The following MMADHC variants were observed in gnomAD, a reference collection of about 807,000 sequenced individuals.
MMADHC encodes metabolism of cobalamin associated D.
Under a neutral mutation model 36.3 loss-of-function variants are expected in MMADHC, and 23 were observed. The ratio of observed to expected loss-of-function variants is 0.63; its 90% confidence interval spans 0.46 to 0.90. The LOEUF is 0.90. MMADHC is among the 40% of genes least tolerant of loss of function. The pLI is 0.00. For synonymous variants in MMADHC, 97 were observed against 116.1 expected, an observed-to-expected ratio of 0.84 and a Z score of 1.06; for missense variants, 330 against 348.0, an observed-to-expected ratio of 0.95 and a Z score of 0.41.
chr2:149,587,091 T>C lies in MMADHC; in HGVS notation c.7A>G (p.Asn3Asp), dbSNP rs764550264. MA[N>D]VLCNRARLVS... ...TTCTTAAGAGATAATTTACTCACAT[T>C]GGCCATCTCCGCTGGAGAAGATAGT... The change falls in exon 2 of 8, where the codon AAT (asparagine) becomes GAT (aspartate). Residue 3 changes from asparagine (N) to aspartate (D), a missense_variant and splice_region_variant. Transcript: ENST00000303319. 1 of 1,613,992 alleles carries C rather than the reference T, an allele frequency of 6.2e-7. No individual in the cohort carries two copies. Among genetic ancestry groups the C allele is most frequent in the Non-Finnish European group, 8.5e-7 (1 of 1,179,826 alleles).
At chr2:149,578,956 T>C (rs1316126662) in intron 4 of MMADHC, among the ~76,000 whole-genome samples, 1 of 148,880 alleles carries the variant, frequency 6.7e-6, no homozygotes, top group Non-Finnish European at 1.5e-5. Flanking sequence ...ATAAATTGTT[T>C]AAGAAAAAAT....
At chr2:149,584,357 T>C (rs1426397364) in intron 2 of MMADHC, among the ~76,000 whole-genome samples, 2 of 152,240 alleles carry the variant, frequency 1.3e-5, no homozygotes, top group South Asian at 2.1e-4. Context: ...GCTGTACATA[T>C]ACATTGTTTT....
chr2:149,587,677 T>C lies in MMADHC; in HGVS notation c.-66A>G, dbSNP rs191496462. On this transcript the variant is annotated 5_prime_UTR_variant, in exon 1 of 8. Transcript: ENST00000303319. ...AACCATCCGTACCAGTCACCACCAC[T>C]GTCTCCAGCTGTCCCAGAACCGGAC... 1.8e-4 allele frequency: 28 copies of C among 154,510 alleles called. No individual in the cohort carries two copies. The highest frequency in any genetic ancestry group is 5.8e-4 in the African/African-American group (24 of 41,598). The allele number at this position is 154,510 out of a possible 1,614,324, so 9.6% of individuals were successfully genotyped here.
intron 2 of MMADHC, among the ~76,000 whole-genome samples, chr2:149,584,716 T>C (rs1682838541): frequency 6.6e-6 from 1 of 152,154 alleles, no homozygotes; most frequent in Non-Finnish European, 1.5e-5. Context: ...TTGATGATAG[T>C]ACTAATCTGT....
At position 149,575,855 on chromosome 2, in the gene MMADHC, T is replaced by A. The variant is rs1320187842; in HGVS notation, c.479-14A>T. 6.3e-7 allele frequency: 1 copy of A among 1,581,068 alleles called. No homozygotes were observed. The highest frequency in any genetic ancestry group is 1.7e-5 in the Admixed American group (1 of 58,692). On this transcript the variant is annotated splice_polypyrimidine_tract_variant and intron_variant, in intron 5 of 7. Coordinates refer to ENST00000303319, the MANE Select transcript of MMADHC (RefSeq NM_015702.3). ...GTGATTCAAAATCTACAAATAAGAA[T>A]AAACATTCCAGGTAGAAAAGAATTT...
chr2:149,572,991 A>T (rs757033617), intron 6 of MMADHC, among the ~76,000 whole-genome samples: 5 of 152,220 alleles, frequency 3.3e-5, no homozygotes, highest in African/African-American at 1.2e-4. Flanking sequence ...GTTTTACTGG[A>T]CACAGCCATG....
At chr2:149,573,529 A>C (rs1349796411) in intron 6 of MMADHC, among the ~76,000 whole-genome samples, 1 of 152,186 alleles carries the variant, frequency 6.6e-6, no homozygotes, top group Non-Finnish European at 1.5e-5. Flanking sequence ...AAAATCAATT[A>C]GATCTTTAAA....
rs374270083 is a variant in MMADHC, at chr2:149,576,393, A to T, written c.478+44T>A. On this transcript the variant is annotated intron_variant, in intron 5 of 7. Coordinates refer to ENST00000303319, the MANE Select transcript of MMADHC (RefSeq NM_015702.3). Reference sequence around the variant, plus strand: ...TATAGAGTACATTATTCAACATATTAAAAAAATTAGTAACAGTGTTTCAAA... The same window carrying T: ...TATAGAGTACATTATTCAACATATTTAAAAAATTAGTAACAGTGTTTCAAA... The T allele has an allele frequency of 1.6e-3, 2,122 of 1,308,146 alleles. 5 individuals are homozygous for T. The highest frequency in any genetic ancestry group is 2.7e-3 in the Middle Eastern group (15 of 5,482). The allele number at this position is 1,308,146 out of a possible 1,614,324, so 81.0% of individuals were successfully genotyped here. A position where few individuals can be genotyped will look rare whatever the true frequency, so the allele number is the denominator to read the frequency against.
At chr2:149,576,378 A>G in intron 5 of MMADHC, 59 bp downstream of exon 5, 1 of 1,123,692 alleles carries the variant, frequency 8.9e-7, no homozygotes, top group South Asian at 1.2e-5. Flanking sequence ...TATAGAGTAC[A>G]TTATTCAACA....
intron 2 of MMADHC, chr2:149,586,777 C>A: frequency 1.4e-5 from 5 of 356,008 alleles, no homozygotes; most frequent in Admixed American, 4.4e-5. Context: ...TTAGCTAACC[C>A]AAAAGCTAAA....
intron 6 of MMADHC, among the ~76,000 whole-genome samples, chr2:149,572,066 G>A (rs540549851): frequency 7.9e-4 from 120 of 152,072 alleles, no homozygotes; most frequent in Non-Finnish European, 1.4e-3. Context: ...ACTACCATGT[G>A]CATATATAAA....
intron 4 of MMADHC, among the ~76,000 whole-genome samples, chr2:149,578,536 A>G (rs1270313498): frequency 1.3e-5 from 2 of 152,204 alleles, no homozygotes; most frequent in Non-Finnish European, 2.9e-5. Flanking sequence ...TAGAAATTAT[A>G]AAAACATAGA....
intron 6 of MMADHC, among the ~76,000 whole-genome samples, chr2:149,574,398 G>C (rs1682685177): frequency 6.6e-6 from 1 of 152,110 alleles, no homozygotes. Flanking sequence ...ATTTAAATGT[G>C]AAATTATAAT....
chr2:149,570,971 T>A (rs2105042098), intron 7 of MMADHC, 114 bp downstream of exon 7: 1 of 874,034 alleles, frequency 1.1e-6, no homozygotes, highest in South Asian at 1.6e-5. Flanking sequence ...TTTCTTTGGG[T>A]AAAATTGTGA....
Position 149,583,217 on chromosome 2 carries a change from G to A in MMADHC, c.10-946C>T, listed in dbSNP as rs540884844. On this transcript the variant is annotated intron_variant, in intron 2 of 7. Transcript: ENST00000303319. ...AATCATCTGTGAAATGCTATGAAAAGATCTGAATAATTGTTAAGAAATCCT... is the reference window on the plus strand; with the variant it reads ...AATCATCTGTGAAATGCTATGAAAAAATCTGAATAATTGTTAAGAAATCCT... Among the ~76,000 whole-genome samples, 81 of 152,278 alleles carry A rather than the reference G, an allele frequency of 5.3e-4. 1 individual carries two copies. The South Asian group carries it at 0.017, about 31-fold the overall frequency.
intron 6 of MMADHC, 108 bp from the exon 7 acceptor site, chr2:149,571,279 T>C: frequency 1.5e-6 from 1 of 659,860 alleles, no homozygotes; most frequent in Non-Finnish European, 2.4e-6. Context: ...GAACTCAAGA[T>C]TAATAAAAAA....
Position 149,579,643 on chromosome 2 carries a change from G to C in MMADHC, c.160C>G (p.Arg54Gly), listed in dbSNP as rs118204047. 6.2e-7 allele frequency: 1 copy of C among 1,613,476 alleles called. No homozygotes were observed. Among genetic ancestry groups the C allele is most frequent in the Non-Finnish European group, 8.5e-7 (1 of 1,179,686 alleles). ...VAAAPPDICSRTVWPDETMGP... is the reference protein window; with the variant it reads ...VAAAPPDICSGTVWPDETMGP... ...ATAGTTTCATCAGGCCACACTGTTC[G>C]AGAGCCTGAAGAGAAACAACAAAAG... The change falls in exon 4 of 8, where the codon CGA (arginine) becomes GGA (glycine). Residue 54 changes from arginine to glycine, a missense_variant. Transcript: ENST00000303319.
Position 149,579,541 on chromosome 2 carries a change from C to G in MMADHC, c.262G>C (p.Ala88Pro). 1 of 1,613,838 alleles carries G rather than the reference C, an allele frequency of 6.2e-7. No homozygotes were observed. Among genetic ancestry groups the G allele is most frequent in the Non-Finnish European group, 8.5e-7 (1 of 1,179,968 alleles). ...IGFDCHLNGT[A>P]SQKKSLVHKT... The stretch of plus-strand genomic sequence containing the variant: ...TGAACCAGGCTTTTCTTCTGTGAAG[C>G]AGTCCCATTGAGGTGACAATCAAAA... The change falls in exon 4 of 8, where the codon GCT becomes CCT. Residue 88 changes from alanine (A) to proline (P), a missense_variant. By Grantham distance (27) the Ala-to-Pro change is conservative (BLOSUM62 -1). Coordinates refer to ENST00000303319, the MANE Select transcript of MMADHC (RefSeq NM_015702.3).
chr2:149,570,968 G>C (rs1682629882), intron 7 of MMADHC, 117 bp downstream of exon 7: 1 of 824,156 alleles, frequency 1.2e-6, no homozygotes. Context: ...GTATTTCTTT[G>C]GGTAAAATTG....
Sources: allele counts gnomAD v4.1 joint callset (sites outside exome capture counted in the v4.1 genomes callset), GRCh38; gene constraint gnomAD v4.1.1; transcripts MANE v1.5; gene names NCBI Gene and HGNC (gene_info 2026-07-23, HGNC 2026-07-21).